Variants in CACNG3 observed in about 807,000 individuals in gnomAD.
CACNG3 encodes calcium voltage-gated channel auxiliary subunit gamma 3.
CACNG3 carries 3 observed loss-of-function variants against 28.5 expected under a neutral mutation model. That is an observed-to-expected ratio of 0.11 (90% confidence interval 0.05 to 0.27). The LOEUF is 0.27. Among genes scored for constraint, CACNG3 ranks in the 10% least tolerant of loss-of-function variants. CACNG3 has a pLI of 1.00. For synonymous variants in CACNG3, 174 were observed against 162.2 expected, an observed-to-expected ratio of 1.07 and a Z score of -0.55; for missense variants, 236 against 414.4, an observed-to-expected ratio of 0.57 and a Z score of 3.74.
chr16:24,282,198 G>T (rs922735853), intron 1 of CACNG3, among the ~76,000 whole-genome samples: 1 of 152,140 alleles, frequency 6.6e-6, no homozygotes, highest in African/African-American at 2.4e-5. Flanking sequence ...GGAGGTTCAG[G>T]TTGAGTGCTT....
intron 1 of CACNG3, among the ~76,000 whole-genome samples, chr16:24,319,039 G>T (rs1899423008): frequency 6.6e-6 from 1 of 152,178 alleles, no homozygotes; most frequent in African/African-American, 2.4e-5. Flanking sequence ...TTTTACAGTG[G>T]CCTTCTATTT....
intron 1 of CACNG3, among the ~76,000 whole-genome samples, chr16:24,336,357 T>C (rs1203324379): frequency 6.6e-6 from 1 of 150,918 alleles, no homozygotes; most frequent in Non-Finnish European, 1.5e-5. Flanking sequence ...CTGCAAGCTC[T>C]GCCTCCCAGG....
chr16:24,289,708 G>T (rs1007042783), intron 1 of CACNG3, among the ~76,000 whole-genome samples: 1 of 152,182 alleles, frequency 6.6e-6, no homozygotes, highest in East Asian at 1.9e-4. Context: ...AGCACAGCAC[G>T]CTCTGTGGCA....
At chr16:24,268,996 G>A (rs550038341) in intron 1 of CACNG3, among the ~76,000 whole-genome samples, 7 of 152,276 alleles carry the variant, frequency 4.6e-5, no homozygotes, top group South Asian at 2.1e-4. Context: ...GGCCAAAAAC[G>A]TCTTTGAAAG....
chr16:24,287,028 A>G (rs59793342), intron 1 of CACNG3, among the ~76,000 whole-genome samples: 2,006 of 152,300 alleles, frequency 0.013, 37 homozygotes, highest in African/African-American at 0.046. Context: ...GGCACCCCAG[A>G]ACACAATGGA....
Position 24,306,524 on chromosome 16 carries a change from T to C in CACNG3, c.212-40210T>C, listed in dbSNP as rs78037376. Among the ~76,000 whole-genome samples, 978 of 152,274 alleles carry C rather than the reference T, an allele frequency of 6.4e-3. 10 individuals carry two copies. The highest frequency in any genetic ancestry group is 0.022 in the African/African-American group (899 of 41,546). ...TTCCTTCCACCCATCTGGTATCTCC[T>C]TCGCCCACTTCTTTGCCTCTAACAC... On this transcript the variant is annotated intron_variant, in intron 1 of 3. Coordinates refer to ENST00000005284, the MANE Select transcript of CACNG3 (RefSeq NM_006539.4).
At position 24,325,174 on chromosome 16, in the gene CACNG3, A is replaced by G. The variant is rs373837958; in HGVS notation, c.212-21560A>G. Among the ~76,000 whole-genome samples, 25 of 152,332 alleles carry G rather than the reference A, an allele frequency of 1.6e-4. No individual in the cohort carries two copies. The South Asian group carries it at 5.2e-3, about 32-fold the overall frequency. On this transcript the variant is annotated intron_variant, in intron 1 of 3. Coordinates refer to ENST00000005284, the MANE Select transcript of CACNG3 (RefSeq NM_006539.4). ...TCTGTGTCTACTGGGGGAAGAGGGC[A>G]GGAATTTAATATCAGCCAATTCTTT...
At chr16:24,326,952 G>A (rs775443778) in intron 1 of CACNG3, among the ~76,000 whole-genome samples, 1 of 151,978 alleles carries the variant, frequency 6.6e-6, no homozygotes, top group Non-Finnish European at 1.5e-5. Context: ...GCTAACTGGA[G>A]GCTCCAGGCT....
chr16:24,326,627 A>G (rs1899549023), intron 1 of CACNG3, among the ~76,000 whole-genome samples: 1 of 152,170 alleles, frequency 6.6e-6, no homozygotes, highest in Non-Finnish European at 1.5e-5. Context: ...CTCTTAGCCA[A>G]CCACTGTAGC....
chr16:24,295,013 T>G (rs568845274), intron 1 of CACNG3, among the ~76,000 whole-genome samples: 2 of 152,208 alleles, frequency 1.3e-5, no homozygotes, highest in African/African-American at 2.4e-5. Context: ...TGCCCTCACA[T>G]GCATGTTGGG....
At chr16:24,349,073 T>C (rs1238987231) in intron 2 of CACNG3, among the ~76,000 whole-genome samples, 1 of 152,254 alleles carries the variant, frequency 6.6e-6, no homozygotes, top group Non-Finnish European at 1.5e-5. Context: ...CTGAGAGTTT[T>C]GGAATTCCTG....
intron 1 of CACNG3, among the ~76,000 whole-genome samples, chr16:24,271,132 A>G (rs11861918): frequency 0.67 from 102,027 of 152,096 alleles, 34,793 homozygotes; most frequent in African/African-American, 0.79. Flanking sequence ...TGGCTCTTGA[A>G]TTCACCATGG....
chr16:24,269,728 CAGAG>C (rs1264292072), intron 1 of CACNG3, among the ~76,000 whole-genome samples: 39 of 98,074 alleles, frequency 4.0e-4, no homozygotes, highest in African/African-American at 1.6e-3. Flanking sequence ...GCCTGGGCAA[CAGAG>C]AGAGACTCCA....
At chr16:24,306,001 G>A (rs141453028) in intron 1 of CACNG3, among the ~76,000 whole-genome samples, 2 of 152,152 alleles carry the variant, frequency 1.3e-5, no homozygotes, top group East Asian at 3.9e-4. Flanking sequence ...ACATTTAAGT[G>A]ATGGTCTCAG....
chr16:24,275,838 C>T (rs764927486), intron 1 of CACNG3, among the ~76,000 whole-genome samples: 2 of 152,126 alleles, frequency 1.3e-5, no homozygotes, highest in Admixed American at 1.3e-4. Context: ...CAATACTTTC[C>T]GAATGACCAA....
At chr16:24,315,418 TCTCCCTCC>T (rs547493647) in intron 1 of CACNG3, among the ~76,000 whole-genome samples, 2 of 148,660 alleles carry the variant, frequency 1.3e-5, no homozygotes, top group African/African-American at 4.9e-5. Context: ...CATCATCATC[TCTCCCTCC>T]CTCCCTCCCT....
chr16:24,326,051 T>C (rs2141371629), intron 1 of CACNG3, among the ~76,000 whole-genome samples: 1 of 152,272 alleles, frequency 6.6e-6, no homozygotes, highest in Non-Finnish European at 1.5e-5. Context: ...TCTGCCTTGA[T>C]TTCACCCTCA....
At chr16:24,280,508 C>T (rs904294304) in intron 1 of CACNG3, among the ~76,000 whole-genome samples, 2 of 152,124 alleles carry the variant, frequency 1.3e-5, no homozygotes, top group Non-Finnish European at 2.9e-5. Flanking sequence ...AGGTGCTGAG[C>T]TTATGCTAAT....
intron 1 of CACNG3, among the ~76,000 whole-genome samples, chr16:24,262,960 C>T (rs1898555159): frequency 6.6e-6 from 1 of 152,160 alleles, no homozygotes; most frequent in Non-Finnish European, 1.5e-5. Flanking sequence ...TAGGCAAAAA[C>T]ATGACTGTGT....
Sources: allele counts gnomAD v4.1 joint callset (sites outside exome capture counted in the v4.1 genomes callset), GRCh38; gene constraint gnomAD v4.1.1; transcripts MANE v1.5; gene names NCBI Gene and HGNC (gene_info 2026-07-23, HGNC 2026-07-21).